Variants in CFAP221 observed in about 807,000 individuals in gnomAD.
CFAP221 encodes cilia- and flagella-associated protein 221.
CFAP221 carries 97 observed loss-of-function variants against 113.1 expected under a neutral mutation model. The observed-to-expected ratio is 0.86, with a 90% CI of 0.73 to 1.02. The LOEUF is 1.02. Among genes scored for constraint, CFAP221 ranks in the 50% least tolerant of loss-of-function variants. The probability of loss-of-function intolerance (pLI) is 0.00; values close to 1 mark genes in which losing one functional copy is unlikely to be tolerated. For synonymous variants in CFAP221, 331 were observed against 354.4 expected, an observed-to-expected ratio of 0.93 and a Z score of 0.74; for missense variants, 1,025 against 1,013.4, an observed-to-expected ratio of 1.01 and a Z score of -0.16.
chr2:119,631,063 A>T, intron 19 of CFAP221, 162 bp downstream of exon 19: 1 of 1,350,270 alleles, frequency 7.4e-7, no homozygotes. Context: ...TATTTTTTGG[A>T]GAATATCAGT....
intron 7 of CFAP221, among the ~76,000 whole-genome samples, chr2:119,592,989 G>A (rs968503325): frequency 6.6e-6 from 1 of 152,152 alleles, no homozygotes. Context: ...ATGTCCTTTT[G>A]ATCTGGAGAA....
intron 7 of CFAP221, among the ~76,000 whole-genome samples, chr2:119,593,863 A>G (rs914191401): frequency 1.3e-5 from 2 of 151,710 alleles, no homozygotes; most frequent in African/African-American, 4.8e-5. Flanking sequence ...CGAAACAACA[A>G]CAACAAAAAA....
intron 3 of CFAP221, chr2:119,556,123 A>G (rs1156245299): frequency 6.6e-6 from 1 of 152,262 alleles, no homozygotes; most frequent in Non-Finnish European, 1.5e-5. Context: ...CACCATCACT[A>G]TGTCTGCTGA....
chr2:119,587,207 A>G lies in CFAP221; in HGVS notation c.616A>G (p.Ile206Val), dbSNP rs943576625. The stretch of plus-strand genomic sequence containing the variant: ...GATTCAGTCTCATCAAGCCTTTGCT[A>G]TTGAGCCAACATCAGGTAAGGAGTG... ...TLIQSHQAFA[I>V]EPTSGIIPAN... The change falls in exon 7 of 24, where the codon ATT (isoleucine) becomes GTT (valine). Residue 206 changes from isoleucine (I) to valine (V), a missense_variant. Transcript: ENST00000413369. The G allele has an allele frequency of 6.5e-7, 1 of 1,528,122 alleles. No individual in the cohort carries two copies. The allele number at this position is 1,528,122 out of a possible 1,614,324, so 94.7% of individuals were successfully genotyped here.
intron 8 of CFAP221, chr2:119,602,831 A>T (rs1231916405): frequency 1.1e-6 from 1 of 948,228 alleles, no homozygotes; most frequent in African/African-American, 1.8e-5. Context: ...TTAAAGACAT[A>T]ACATGAGTGC....
intron 1 of CFAP221, among the ~76,000 whole-genome samples, chr2:119,545,510 C>T (rs1254506264): frequency 6.6e-6 from 1 of 152,148 alleles, no homozygotes; most frequent in Non-Finnish European, 1.5e-5. Context: ...AGCTGGAATA[C>T]CCCCATGTCT....
chr2:119,629,102 A>G lies in CFAP221; in HGVS notation c.1651-773A>G, dbSNP rs1259355179. On this transcript the variant is annotated intron_variant, in intron 16 of 23. Coordinates refer to ENST00000413369, the MANE Select transcript of CFAP221 (RefSeq NM_001271049.2). The stretch of plus-strand genomic sequence containing the variant: ...CAATTGTAAGATGCCTTTTTCTTAC[A>G]TTTAGCATCTCAAAATTGGGAAATG... Among the ~76,000 whole-genome samples, 8 of 152,302 alleles carry G rather than the reference A, an allele frequency of 5.3e-5. No homozygotes were observed. The East Asian group carries it at 1.4e-3, about 26-fold the overall frequency.
chr2:119,658,281 G>A (rs760653976), downstream of CFAP221, among the ~76,000 whole-genome samples: 10 of 152,132 alleles, frequency 6.6e-5, no homozygotes, highest in Non-Finnish European at 1.2e-4. Context: ...CAACACTACC[G>A]TTGTTTATTT....
At chr2:119,603,918 A>C (rs928620046) in intron 8 of CFAP221, among the ~76,000 whole-genome samples, 2 of 152,208 alleles carry the variant, frequency 1.3e-5, no homozygotes, top group Non-Finnish European at 2.9e-5. Context: ...ACTACCTCTA[A>C]CTACCATGTC....
At position 119,639,871 on chromosome 2, in the gene CFAP221, A is replaced by G; in HGVS notation, c.2224A>G (p.Ser742Gly). The G allele has an allele frequency of 6.2e-7, 1 of 1,612,548 alleles. No homozygotes were observed. Among genetic ancestry groups the G allele is most frequent in the African/African-American group, 1.3e-5 (1 of 74,992 alleles). Residue 742 changes from serine to glycine, a missense_variant and splice_region_variant, in exon 21 of 24, where the codon AGC becomes GGC. By Grantham distance (56) the Ser-to-Gly change is moderately conservative. Coordinates refer to ENST00000413369, the MANE Select transcript of CFAP221 (RefSeq NM_001271049.2). ...CCCCTCCAAGATGGAGACCACAAAGAGGTAAGCACAGCTCATCTGTTTGCT... is the reference window on the plus strand; with the variant it reads ...CCCCTCCAAGATGGAGACCACAAAGGGGTAAGCACAGCTCATCTGTTTGCT... ...PDPSKMETTKSCDSFNSFMLP... is the reference protein window; with the variant it reads ...PDPSKMETTKGCDSFNSFMLP...
In CFAP221 at chr2:119,582,452, CAT is replaced by C. The variant is rs201497911; in HGVS notation, c.528-4664_528-4663del. On this transcript the variant is annotated intron_variant, in intron 6 of 23. Coordinates refer to ENST00000413369, the MANE Select transcript of CFAP221 (RefSeq NM_001271049.2). ...TGTTGGGAATTTTCAATAAGTAAGA[CAT>C]ATCTTTTTTTTTTTTTTTTTGACAG... Among the ~76,000 whole-genome samples, 1,073 of 150,446 alleles carry C rather than the reference CAT, an allele frequency of 7.1e-3. 10 individuals are homozygous for C. The highest frequency in any genetic ancestry group is 0.023 in the African/African-American group (940 of 40,958).
chr2:119,651,511 A>G (rs1688129628), intron 22 of CFAP221, among the ~76,000 whole-genome samples: 1 of 151,830 alleles, frequency 6.6e-6, no homozygotes, highest in Non-Finnish European at 1.5e-5. Context: ...AAAAAAAACT[A>G]GACTATTTAG....
intron 7 of CFAP221, chr2:119,590,199 A>G (rs1035279267): frequency 4.6e-5 from 7 of 152,210 alleles, no homozygotes; most frequent in Admixed American, 2.0e-4. Context: ...TAAAGTTTCA[A>G]TAAGTTCATT....
chr2:119,563,475 G>A lies in CFAP221; in HGVS notation c.527+1361G>A, dbSNP rs181387101. On this transcript the variant is annotated intron_variant, in intron 6 of 23. Coordinates refer to ENST00000413369, the MANE Select transcript of CFAP221 (RefSeq NM_001271049.2). ...AAAATATTTAAATACTTCTGTACTGGTTGGAAAATATATACTGTCCTGAGT... is the reference window on the plus strand; with the variant it reads ...AAAATATTTAAATACTTCTGTACTGATTGGAAAATATATACTGTCCTGAGT... Among the ~76,000 whole-genome samples, 5 of 152,270 alleles carry A rather than the reference G, an allele frequency of 3.3e-5. No homozygotes were observed. In the East Asian group the frequency reaches 9.7e-4, roughly 29 times the overall value.
At chr2:119,557,701 T>G (rs1680909492) in intron 3 of CFAP221, among the ~76,000 whole-genome samples, 1 of 151,238 alleles carries the variant, frequency 6.6e-6, no homozygotes, top group Non-Finnish European at 1.5e-5. Flanking sequence ...CCTTCAGTGC[T>G]CACAAAGCAC....
At chr2:119,628,912 G>A (rs901097358) in intron 16 of CFAP221, among the ~76,000 whole-genome samples, 1 of 152,122 alleles carries the variant, frequency 6.6e-6, no homozygotes, top group African/African-American at 2.4e-5. Context: ...GTGCAGTGGA[G>A]CCCCCCTCAT....
At chr2:119,643,042 C>T (rs187158450) in intron 21 of CFAP221, among the ~76,000 whole-genome samples, 174 of 152,298 alleles carry the variant, frequency 1.1e-3, no homozygotes, top group African/African-American at 3.7e-3. Context: ...CCTCCCACCT[C>T]GGCCTCCCAA....
At position 119,604,263 on chromosome 2, in the gene CFAP221, G is replaced by A. The variant is rs112956332; in HGVS notation, c.792-409G>A. 6.0e-4 allele frequency among the ~76,000 whole-genome samples: 91 copies of A among 152,064 alleles called. 1 individual carries two copies. The highest frequency in any genetic ancestry group is 1.1e-3 in the Admixed American group (17 of 15,258). Reference sequence around the variant, plus strand: ...ATCCTGGCCAACATGGTGAAACCCCGTCTCTACTAAAAATACAAAAATTAG... The same window carrying A: ...ATCCTGGCCAACATGGTGAAACCCCATCTCTACTAAAAATACAAAAATTAG... On this transcript the variant is annotated intron_variant, in intron 8 of 23. Coordinates refer to ENST00000413369, the MANE Select transcript of CFAP221 (RefSeq NM_001271049.2).
chr2:119,577,892 G>T (rs1225861486), intron 6 of CFAP221, among the ~76,000 whole-genome samples: 2 of 152,218 alleles, frequency 1.3e-5, no homozygotes, highest in African/African-American at 4.8e-5. Flanking sequence ...GTAGCTTAAT[G>T]TATTATAACA....
Sources: gnomAD v4.1 joint callset for allele counts (sites outside exome capture counted in the v4.1 genomes callset) on GRCh38, gnomAD v4.1.1 for gene constraint, MANE v1.5 for transcripts, NCBI Gene and HGNC (gene_info 2026-07-23, HGNC 2026-07-21) for gene names.